Variants in ANKS3 observed in about 807,000 individuals in gnomAD.
ANKS3 encodes ankyrin repeat and sterile alpha motif domain containing 3, also known as ankyrin repeat and SAM domain-containing protein 3.
In ANKS3, 62 loss-of-function variants were observed where a neutral mutation model predicts 80.7. That is an observed-to-expected ratio of 0.77 (90% CI 0.63 to 0.95). The LOEUF (loss-of-function observed/expected upper bound fraction) is 0.95. Ranked by LOEUF, ANKS3 falls within the 40% of genes least tolerant of loss-of-function variation. The pLI, the probability that ANKS3 is intolerant of heterozygous loss-of-function variation, is 0.00. For missense variants in ANKS3, 1,150 were observed against 883.6 expected (o/e 1.30, Z -3.82); for synonymous variants, 489 against 355.3 (o/e 1.38, Z -4.23).
intron 5 of ANKS3, among the ~76,000 whole-genome samples, chr16:4,725,951 C>G (rs542382234): frequency 6.7e-6 from 1 of 150,050 alleles, no homozygotes; most frequent in South Asian, 2.1e-4. Flanking sequence ...AGCCACTGAG[C>G]CCGGCCAAAA....
At chr16:4,704,447 T>C (rs2080080014) in intron 8 of ANKS3, among the ~76,000 whole-genome samples, 2 of 151,900 alleles carry the variant, frequency 1.3e-5, no homozygotes, top group Admixed American at 6.6e-5. Flanking sequence ...CCAGCTGAGC[T>C]CTGGGACAGA....
chr16:4,703,730 G>A (rs1384615268), intron 8 of ANKS3, among the ~76,000 whole-genome samples: 2 of 152,168 alleles, frequency 1.3e-5, no homozygotes, highest in Non-Finnish European at 1.5e-5. Flanking sequence ...TTAATTACTG[G>A]CAAATAAAAT....
rs369685757 is a variant in ANKS3 at position 4,698,382 on chromosome 16, G to A, written c.1724+45C>T. On this transcript the variant is annotated intron_variant, in intron 14 of 17. Transcript: ENST00000304283. ...TGTGTGGGGGCCCAGGGGCCAGGTG[G>A]CTGACCACTGGAGACCCAGCCCAGG... 171 of 1,441,286 alleles carry A rather than the reference G, an allele frequency of 1.2e-4. 1 individual carries two copies. Among genetic ancestry groups the A allele is most frequent in the Non-Finnish European group, 1.5e-4 (167 of 1,101,544 alleles). The allele number at this position is 1,441,286 out of a possible 1,614,324, so 89.3% of individuals were successfully genotyped here.
intron 6 of ANKS3, among the ~76,000 whole-genome samples, chr16:4,715,983 C>G (rs1480560595): frequency 6.6e-6 from 1 of 152,056 alleles, no homozygotes; most frequent in Non-Finnish European, 1.5e-5. Flanking sequence ...ATCCAGAAAA[C>G]AGAGCGCCTC....
At position 4,702,150 on chromosome 16, in the gene ANKS3, G is replaced by A. The variant is rs372988165; in HGVS notation, c.961C>T (p.Pro321Ser). ...EGLCCRDVTSPINERDVESSS... is the reference protein window; with the variant it reads ...EGLCCRDVTSSINERDVESSS... Reference sequence around the variant, plus strand: ...CTCTCCACATCCCGCTCATTGATGGGGGAGGTGACATCCCGGCAGCAGAGG... The same window carrying A: ...CTCTCCACATCCCGCTCATTGATGGAGGAGGTGACATCCCGGCAGCAGAGG... Residue 321 changes from proline (P) to serine (S), a missense_variant, in exon 9 of 18, where the codon CCC becomes TCC. Coordinates refer to ENST00000304283, the MANE Select transcript of ANKS3 (RefSeq NM_133450.4). 5 of 1,596,808 alleles carry A rather than the reference G, an allele frequency of 3.1e-6. No homozygotes were observed. Among genetic ancestry groups the A allele is most frequent in the Admixed American group, 1.7e-5 (1 of 57,516 alleles).
At chr16:4,715,230 A>G (rs912594850) in intron 6 of ANKS3, among the ~76,000 whole-genome samples, 3 of 152,090 alleles carry the variant, frequency 2.0e-5, no homozygotes, top group Non-Finnish European at 2.9e-5. Flanking sequence ...CGCTCGGCTC[A>G]GGAGTTGGAC....
rs774673618 is a variant in ANKS3, at chr16:4,724,773, T to C, written c.550A>G (p.Ile184Val). ...MEAAAAGHEI[I>V]VQYFLNHGVK... Reference sequence around the variant, plus strand: ...ACGTGATTCAGAAAATACTGCACGATTATCTCATGGCCAGCAGCAGCTGCT... The same window carrying C: ...ACGTGATTCAGAAAATACTGCACGACTATCTCATGGCCAGCAGCAGCTGCT... Residue 184 changes from isoleucine to valine, a missense_variant, in exon 6 of 18, where the codon ATC becomes GTC. Ile to Val is a conservative substitution (Grantham distance 29, BLOSUM62 3). Coordinates refer to ENST00000304283, the MANE Select transcript of ANKS3 (RefSeq NM_133450.4). The C allele has an allele frequency of 1.2e-6, 2 of 1,613,940 alleles. No homozygotes were observed. The highest frequency in any genetic ancestry group is 2.2e-5 in the South Asian group (2 of 91,014).
rs902637731 is a variant in ANKS3, at chr16:4,697,496, C to T, written c.1811-80G>A. 160 of 1,193,618 alleles carry T rather than the reference C, an allele frequency of 1.3e-4. 4 individuals are homozygous for T. In the South Asian group the frequency reaches 2.3e-3, roughly 17 times the overall value. 73.9% of individuals were successfully genotyped at this position (1,193,618 alleles called of 1,614,324 possible). On this transcript the variant is annotated intron_variant, in intron 15 of 17. Transcript: ENST00000304283. ...CTGCTTTATTCTGAGCCCATGCAACCAGGAGAACCTGCTTGGATCAGAACC... is the reference window on the plus strand; with the variant it reads ...CTGCTTTATTCTGAGCCCATGCAACTAGGAGAACCTGCTTGGATCAGAACC...
chr16:4,726,553 G>T, intron 5 of ANKS3, 106 bp downstream of exon 5: 1 of 1,269,008 alleles, frequency 7.9e-7, no homozygotes, highest in African/African-American at 1.5e-5. Flanking sequence ...CTCTCGTGCC[G>T]AAGCAGGGTG....
At chr16:4,731,711 G>C in intron 1 of ANKS3, 132 bp from the exon 2 acceptor site, 1 of 311,724 alleles carries the variant, frequency 3.2e-6, no homozygotes, top group African/African-American at 2.2e-5. Flanking sequence ...TGTGACTGGT[G>C]GCACGCAGCA....
intron 7 of ANKS3, 73 bp downstream of exon 7, chr16:4,713,978 T>A (rs1170395738): frequency 1.3e-6 from 2 of 1,567,094 alleles, no homozygotes; most frequent in Non-Finnish European, 1.7e-6. Flanking sequence ...GGGGGACATC[T>A]TTCTCTGCCA....
At chr16:4,698,389 A>G (rs1210686317) in intron 14 of ANKS3, 38 bp downstream of exon 14, 2 of 1,448,064 alleles carry the variant, frequency 1.4e-6, no homozygotes, top group Non-Finnish European at 1.8e-6. Context: ...GTGGCTGACC[A>G]CTGGAGACCC....
intron 6 of ANKS3, among the ~76,000 whole-genome samples, chr16:4,716,504 C>A (rs561800908): frequency 3.9e-5 from 6 of 152,154 alleles, no homozygotes; most frequent in Non-Finnish European, 7.4e-5. Flanking sequence ...GGTCTCTGGG[C>A]AGGGATACAG....
chr16:4,708,701 G>A (rs1335571900), intron 7 of ANKS3, among the ~76,000 whole-genome samples: 3 of 152,052 alleles, frequency 2.0e-5, no homozygotes, highest in Non-Finnish European at 2.9e-5. Flanking sequence ...TTGGGAGGCC[G>A]AGGTGGGCAG....
chr16:4,722,469 G>A (rs910558016), intron 6 of ANKS3, among the ~76,000 whole-genome samples: 23 of 151,702 alleles, frequency 1.5e-4, no homozygotes, highest in African/African-American at 5.1e-4. Flanking sequence ...CCAGCTACTC[G>A]GGAGGCTGAG....
chr16:4,698,612 G>C lies in ANKS3; in HGVS notation c.1552-13C>G. 1 of 1,541,940 alleles carries C rather than the reference G, an allele frequency of 6.5e-7. No individual in the cohort carries two copies. Among genetic ancestry groups the C allele is most frequent in the Non-Finnish European group, 8.7e-7 (1 of 1,150,732 alleles). On this transcript the variant is annotated splice_polypyrimidine_tract_variant and intron_variant, in intron 13 of 17. Coordinates refer to ENST00000304283, the MANE Select transcript of ANKS3 (RefSeq NM_133450.4). ...CCTCCTCGCAGCGCTGCAGGGGGGT[G>C]GGGGGCGCGGGGAGGCTGGGAGGTG...
At chr16:4,733,901 C>T (rs1376356543) in intron 1 of ANKS3, 37 bp downstream of exon 1, 3 of 985,152 alleles carry the variant, frequency 3.0e-6, no homozygotes, top group East Asian at 2.3e-4. Context: ...CTCACTGGCC[C>T]CGGGGCGGGT....
At chr16:4,730,833 C>A (rs1039944305) in intron 2 of ANKS3, among the ~76,000 whole-genome samples, 1 of 151,458 alleles carries the variant, frequency 6.6e-6, no homozygotes, top group African/African-American at 2.4e-5. Flanking sequence ...GCCTGGGAAA[C>A]AGAGCAAGAC....
intron 6 of ANKS3, among the ~76,000 whole-genome samples, chr16:4,717,102 C>T (rs1372285179): frequency 6.6e-6 from 1 of 150,590 alleles, no homozygotes; most frequent in African/African-American, 2.5e-5. Flanking sequence ...ATTAGCCGGG[C>T]GTGGTGGCAC....
Sources: gnomAD v4.1 joint callset for allele counts (sites outside exome capture counted in the v4.1 genomes callset) on GRCh38, gnomAD v4.1.1 for gene constraint, MANE v1.5 for transcripts, NCBI Gene and HGNC (gene_info 2026-07-23, HGNC 2026-07-21) for gene names.